The following TEX9 variants were observed in gnomAD, a reference collection of about 807,000 sequenced individuals.
The protein encoded by TEX9 is testis expressed 9.
In TEX9, 74 loss-of-function variants were observed where a neutral mutation model predicts 59.6. That is an observed-to-expected ratio of 1.24 (90% CI 1.03 to 1.51). TEX9 has a LOEUF of 1.51. Ranked by LOEUF, TEX9 falls within the 40% of genes most tolerant of loss-of-function variation. The pLI is 0.00. For synonymous variants in TEX9, 186 were observed against 152.2 expected (o/e 1.22, Z -1.64); for missense variants, 522 against 447.8 (o/e 1.17, Z -1.49).
intron 1 of TEX9, among the ~76,000 whole-genome samples, chr15:56,316,772 T>C (rs2045778424): frequency 6.6e-6 from 1 of 152,216 alleles, no homozygotes; most frequent in African/African-American, 2.4e-5. Context: ...TGCAGTTTGA[T>C]CTCAGACTGC....
downstream of TEX9, among the ~76,000 whole-genome samples, chr15:56,446,573 A>G (rs1332971788): frequency 6.6e-6 from 1 of 151,450 alleles, no homozygotes; most frequent in Non-Finnish European, 1.5e-5. Flanking sequence ...CTACTTTGTC[A>G]GTGAATAATC....
intron 9 of TEX9, among the ~76,000 whole-genome samples, chr15:56,402,677 A>G (rs1305639180): frequency 6.6e-6 from 1 of 152,146 alleles, no homozygotes; most frequent in Non-Finnish European, 1.5e-5. Context: ...TGGCAGAAAC[A>G]CAACAAAAAG....
chr15:56,316,676 A>G (rs1245621208), intron 1 of TEX9, among the ~76,000 whole-genome samples: 18 of 152,212 alleles, frequency 1.2e-4, no homozygotes, highest in South Asian at 2.1e-4. Flanking sequence ...GGTGGGCTCC[A>G]CCCAGTTGGA....
chr15:56,261,715 T>C (rs1482589339), intron 1 of TEX9, among the ~76,000 whole-genome samples: 2 of 149,946 alleles, frequency 1.3e-5, no homozygotes, highest in African/African-American at 5.0e-5. Flanking sequence ...AGAGACTGTC[T>C]CAAAAAAAAA....
intron 9 of TEX9, among the ~76,000 whole-genome samples, chr15:56,400,475 T>G (rs2048714657): frequency 3.9e-5 from 6 of 151,936 alleles, no homozygotes; most frequent in Admixed American, 3.9e-4. Flanking sequence ...TCAAGAAAAA[T>G]GGGACTATGT....
intron 12 of TEX9, among the ~76,000 whole-genome samples, chr15:56,430,995 T>TA: frequency 6.6e-6 from 1 of 152,172 alleles, no homozygotes; most frequent in East Asian, 1.9e-4. Context: ...ATCCTGTCCT[T>TA]ACCAAAAATA....
At chr15:56,376,383 G>T (rs767172271) in intron 3 of TEX9, among the ~76,000 whole-genome samples, 1 of 152,020 alleles carries the variant, frequency 6.6e-6, no homozygotes, top group African/African-American at 2.4e-5. Context: ...GTGTACTAGG[G>T]TTCCCTTTCT....
intron 1 of TEX9, among the ~76,000 whole-genome samples, chr15:56,302,984 A>G (rs73411583): frequency 0.036 from 5,442 of 152,308 alleles, 351 homozygotes; most frequent in African/African-American, 0.12. Flanking sequence ...ATAATTATAA[A>G]GGGGTCAATT....
At chr15:56,394,577 CAT>C (rs2048365600) in intron 8 of TEX9, 82 bp from the exon 9 acceptor site, 1 of 995,722 alleles carries the variant, frequency 1.0e-6, no homozygotes, top group Admixed American at 3.0e-5. Flanking sequence ...TATCAAAGAA[CAT>C]ATGAAACGTC....
At chr15:56,363,380 G>A (rs1268548345), upstream of TEX9, among the ~76,000 whole-genome samples, 2 of 151,708 alleles carry the variant, frequency 1.3e-5, no homozygotes, top group Non-Finnish European at 2.9e-5. Context: ...TGTTGGCCAG[G>A]CTGGTCTCAA....
At chr15:56,371,667 A>T (rs1202305154) in intron 2 of TEX9, among the ~76,000 whole-genome samples, 1 of 152,108 alleles carries the variant, frequency 6.6e-6, no homozygotes, top group East Asian at 1.9e-4. Context: ...TAGATGAGTA[A>T]ATGTTCCTAT....
chr15:56,335,044 C>G (rs1318962381), intron 1 of TEX9, among the ~76,000 whole-genome samples: 1 of 152,130 alleles, frequency 6.6e-6, no homozygotes, highest in Non-Finnish European at 1.5e-5. Flanking sequence ...TCCTGGTACA[C>G]TGTTGGTGAG....
chr15:56,341,458 G>A (rs902234445), intron 1 of TEX9, among the ~76,000 whole-genome samples: 10 of 152,206 alleles, frequency 6.6e-5, no homozygotes, highest in East Asian at 1.9e-4. Flanking sequence ...GCTGGCCAGC[G>A]GTGAGTCACC....
At chr15:56,410,180 T>G (rs1257515411) in intron 9 of TEX9, 1 of 152,226 alleles carries the variant, frequency 6.6e-6, no homozygotes, top group Non-Finnish European at 1.5e-5. Context: ...TTCTGATTCC[T>G]AGTCCATTCT....
At chr15:56,394,440 C>G in intron 8 of TEX9, 193 bp downstream of exon 8, 2 of 625,924 alleles carry the variant, frequency 3.2e-6, no homozygotes, top group Non-Finnish European at 5.3e-6. Flanking sequence ...TAAATTCTTG[C>G]TACAATTAGA....
At chr15:56,309,564 A>T (rs1186037645) in intron 1 of TEX9, among the ~76,000 whole-genome samples, 1 of 152,082 alleles carries the variant, frequency 6.6e-6, no homozygotes, top group Admixed American at 6.6e-5. Context: ...GGTGGTAATG[A>T]ATGAATTGGC....
In TEX9 at chr15:56,260,483, T is replaced by C. The variant is rs377278325; in HGVS notation, c.-107+16205T>C. On this transcript the variant is annotated intron_variant, in intron 1 of 5. Coordinates refer to the TEX9 transcript ENST00000560827. Reference sequence around the variant, plus strand: ...TTGCATCTATTGAGGTGATCAGTGATTTTTACTTTCATTATTATTTTATTA... The same window carrying C: ...TTGCATCTATTGAGGTGATCAGTGACTTTTACTTTCATTATTATTTTATTA... Among the ~76,000 whole-genome samples, 3 of 152,208 alleles carry C rather than the reference T, an allele frequency of 2.0e-5. 1 individual carries two copies. Among genetic ancestry groups the C allele is most frequent in the Admixed American group, 6.5e-5 (1 of 15,286 alleles).
intron 7 of TEX9, 56 bp downstream of exon 7, chr15:56,391,474 G>T: frequency 3.4e-6 from 4 of 1,189,756 alleles, no homozygotes; most frequent in Non-Finnish European, 2.3e-6. Context: ...CTTAGAAGAA[G>T]AAATCTTGGG....
chr15:56,315,073 C>T (rs1237080774), intron 1 of TEX9, among the ~76,000 whole-genome samples: 28 of 151,472 alleles, frequency 1.8e-4, no homozygotes, highest in African/African-American at 6.5e-4. Flanking sequence ...TTCCTGAATA[C>T]AGCACAGTGA....
Sources: allele counts gnomAD v4.1 joint callset (sites outside exome capture counted in the v4.1 genomes callset), GRCh38; gene constraint gnomAD v4.1.1; transcripts MANE v1.5; gene names NCBI Gene and HGNC (gene_info 2026-07-23, HGNC 2026-07-21).